The following RBM33 variants were observed in gnomAD, a reference collection of about 807,000 sequenced individuals.
RBM33 encodes RNA-binding protein 33.
Under a neutral mutation model 132.6 loss-of-function variants are expected in RBM33, and 28 were observed. That is an observed-to-expected ratio of 0.21 (90% CI 0.16 to 0.29). RBM33 has a LOEUF of 0.29. RBM33 is among the 10% of genes least tolerant of loss of function. The pLI, the probability that RBM33 is intolerant of heterozygous loss-of-function variation, is 1.00. For synonymous variants in RBM33, 634 were observed against 593.0 expected, an observed-to-expected ratio of 1.07 and a Z score of -1.01; for missense variants, 1,291 against 1,518.5, an observed-to-expected ratio of 0.85 and a Z score of 2.49.
intron 5 of RBM33, chr7:155,684,966 CA>C (rs1180438972): frequency 6.4e-7 from 1 of 1,550,404 alleles, no homozygotes; most frequent in Non-Finnish European, 8.7e-7. Context: ...TGGTGGGCAA[CA>C]AGGGCTGCAA....
Position 155,741,965 on chromosome 7 carries a change from A to G in RBM33, c.2196A>G (p.Ala732=), listed in dbSNP as rs1307458685. 11 of 1,613,922 alleles carry G rather than the reference A, an allele frequency of 6.8e-6. No individual in the cohort carries two copies. Among genetic ancestry groups the G allele is most frequent in the East Asian group, 4.5e-5 (2 of 44,892 alleles). Residue 732 remains alanine (A), a synonymous_variant, in exon 13 of 18, where the codon GCA becomes GCG. Coordinates refer to ENST00000401878, the MANE Select transcript of RBM33 (RefSeq NM_053043.3). The stretch of plus-strand genomic sequence containing the variant: ...GCCGCTGCTCTGCCACGCCCTCAGC[A>G]CAAGTGAAACCTATCGTCAGCGCGT... ...SSSRCSATPS[A]QVKPIVSASP...
chr7:155,742,077 C>T lies in RBM33; in HGVS notation c.2308C>T (p.Pro770Ser). ...KVKPASPVAQ[P>S]KEEAKTETEF... ...CAAGCCAGCTAGCCCTGTGGCTCAA[C>T]CTAAAGAAGAGGCAAAAACAGAAAC... The change falls in exon 13 of 18, where the codon CCT (proline) becomes TCT (serine). Residue 770 changes from proline (P) to serine (S), a missense_variant. Coordinates refer to ENST00000401878, the MANE Select transcript of RBM33 (RefSeq NM_053043.3). The T allele has an allele frequency of 1.2e-6, 2 of 1,613,576 alleles. No homozygotes were observed. Among genetic ancestry groups the T allele is most frequent in the Non-Finnish European group, 1.7e-6 (2 of 1,179,614 alleles).
At chr7:155,647,529 C>CCTGGGCTGA (rs1331543470) in intron 1 of RBM33, among the ~76,000 whole-genome samples, 1 of 152,098 alleles carries the variant, frequency 6.6e-6, no homozygotes, top group African/African-American at 2.4e-5. Flanking sequence ...CTCCTGGGCT[C>CCTGGGCTGA]AGTTGATTCT....
chr7:155,753,286 G>T (rs1025319028), intron 14 of RBM33, among the ~76,000 whole-genome samples: 2 of 152,216 alleles, frequency 1.3e-5, no homozygotes, highest in African/African-American at 4.8e-5. Context: ...CTCCTTTCTA[G>T]ATTTGCAAAA....
chr7:155,673,147 G>A (rs562642942), intron 3 of RBM33, among the ~76,000 whole-genome samples: 36 of 152,160 alleles, frequency 2.4e-4, no homozygotes, highest in Non-Finnish European at 4.7e-4. Flanking sequence ...CTTTGTCCAA[G>A]GCACTCTGGC....
chr7:155,654,514 A>C (rs1013558947), intron 1 of RBM33, among the ~76,000 whole-genome samples: 1 of 151,894 alleles, frequency 6.6e-6, no homozygotes, highest in South Asian at 2.1e-4. Flanking sequence ...CTTTCTGACT[A>C]CTTCTCTCTA....
chr7:155,752,535 C>T (rs549198943), intron 14 of RBM33, among the ~76,000 whole-genome samples: 1 of 151,566 alleles, frequency 6.6e-6, no homozygotes, highest in Non-Finnish European at 1.5e-5. Context: ...GATTGACAGT[C>T]ATTATTTGCA....
chr7:155,723,375 A>G (rs910501057), intron 9 of RBM33, among the ~76,000 whole-genome samples: 4 of 152,244 alleles, frequency 2.6e-5, no homozygotes, highest in Non-Finnish European at 5.9e-5. Flanking sequence ...GATCAGATCT[A>G]TAAGTAGTAG....
At position 155,745,049 on chromosome 7, in the gene RBM33, A is replaced by G; in HGVS notation, c.2426A>G (p.Glu809Gly). ...RLREEILKQK[E>G]LRRQQQAGAR... The stretch of plus-strand genomic sequence containing the variant: ...AGAGAAGAAATCCTGAAACAGAAGG[A>G]GTTACGGCGGCAGCAGCAGGCTGGT... The change falls in exon 14 of 18, where the codon GAG (glutamate) becomes GGG (glycine). Residue 809 changes from glutamate (E) to glycine (G), a missense_variant. This residue lies in a region of RBM33 where 841 missense variants were observed against 912.0 expected (regional missense o/e 0.92). Coordinates refer to ENST00000401878, the MANE Select transcript of RBM33 (RefSeq NM_053043.3). This position sits in a 1 kb window ranked among gnomAD's most constrained non-coding sequence, Gnocchi z 4.1. 6.2e-7 allele frequency: 1 copy of G among 1,611,110 alleles called. No homozygotes were observed.
chr7:155,758,018 C>T (rs1801908288), intron 14 of RBM33, among the ~76,000 whole-genome samples: 1 of 152,180 alleles, frequency 6.6e-6, no homozygotes, highest in South Asian at 2.1e-4. Flanking sequence ...TCCCACTAAG[C>T]CCCACCTCCA....
chr7:155,723,400 A>G (rs1800682249), intron 9 of RBM33, among the ~76,000 whole-genome samples: 1 of 152,220 alleles, frequency 6.6e-6, no homozygotes, highest in African/African-American at 2.4e-5. Context: ...CGAATATAGT[A>G]GGAGACCCTT....
chr7:155,709,417 T>G (rs1800212211), intron 7 of RBM33, among the ~76,000 whole-genome samples: 1 of 152,192 alleles, frequency 6.6e-6, no homozygotes, highest in Non-Finnish European at 1.5e-5. Context: ...CGTCCTCCTT[T>G]TCCTCAGTGG....
At chr7:155,764,084 G>A (rs78278900) in intron 15 of RBM33, 66 bp downstream of exon 15, 73,714 of 1,286,710 alleles carry the variant, frequency 0.057, 2,619 homozygotes, top group Non-Finnish European at 0.06. Context: ...GTGTTCAGAC[G>A]TGCTCTAATT....
intron 9 of RBM33, among the ~76,000 whole-genome samples, chr7:155,727,204 C>T (rs965942292): frequency 2.6e-5 from 4 of 152,082 alleles, no homozygotes; most frequent in Admixed American, 6.6e-5. Context: ...TATTCCAGGC[C>T]GAAAGGAGGA....
chr7:155,649,315 C>G (rs1798292058), intron 1 of RBM33, among the ~76,000 whole-genome samples: 1 of 152,198 alleles, frequency 6.6e-6, no homozygotes, highest in Non-Finnish European at 1.5e-5. Context: ...CTGCCTCCCA[C>G]ATAAGCCTGT....
At position 155,739,824 on chromosome 7, in the gene RBM33, C is replaced by G; in HGVS notation, c.1847C>G (p.Pro616Arg). 3.2e-6 allele frequency: 4 copies of G among 1,249,964 alleles called. No homozygotes were observed. Among genetic ancestry groups the G allele is most frequent in the Non-Finnish European group, 4.5e-6 (4 of 892,498 alleles). 77.4% of individuals were successfully genotyped at this position (1,249,964 alleles called of 1,614,324 possible). The change falls in exon 12 of 18, where the codon CCG becomes CGG. Residue 616 changes from proline (P) to arginine (R), a missense_variant. Around this residue, in one of 7 missense-constraint regions of RBM33, gnomAD observed 841 missense variants for 912.0 expected, o/e 0.92. Transcript: ENST00000401878. Reference sequence around the variant, plus strand: ...CCGCACCAGCCCCCGCACCAGCCCCCGCCCCAGCACCAGCCCCCACCCCAG... The same window carrying G: ...CCGCACCAGCCCCCGCACCAGCCCCGGCCCCAGCACCAGCCCCCACCCCAG... ...QPPHQPPHQP[P>R]PQHQPPPQHP...
At chr7:155,663,934 G>C (rs553100464) in intron 1 of RBM33, among the ~76,000 whole-genome samples, 1 of 152,284 alleles carries the variant, frequency 6.6e-6, no homozygotes, top group South Asian at 2.1e-4. Context: ...CCACCCATTT[G>C]TCAGTTCTTG....
At chr7:155,721,139 G>A (rs1437471373) in intron 9 of RBM33, among the ~76,000 whole-genome samples, 2 of 81,352 alleles carry the variant, frequency 2.5e-5, no homozygotes, top group South Asian at 3.2e-4. Context: ...AGCTGTGCTC[G>A]TAGTAGTGCA....
chr7:155,780,693 G>C lies in RBM33; in HGVS notation c.*5652G>C, dbSNP rs114503293. ...TCCTGGCTTCAACTGGGTGAGGGCC[G>C]TATTCCTGCCACTCTGCTCCGCCTC... On this transcript the variant is annotated 3_prime_UTR_variant, in exon 18 of 18. Transcript: ENST00000401878. The C allele has an allele frequency of 2.6e-5, 4 of 152,464 alleles. No individual in the cohort carries two copies. Among genetic ancestry groups the C allele is most frequent in the East Asian group, 1.9e-4 (1 of 5,194 alleles). 9.4% of individuals were successfully genotyped at this position (152,464 alleles called of 1,614,324 possible).
Sources: gnomAD v4.1 joint callset for allele counts (sites outside exome capture counted in the v4.1 genomes callset) on GRCh38, gnomAD v4.1.1 for gene constraint, gnomAD v4.1.1 regional missense constraint, Gnocchi (gnomAD v3.1) non-coding constraint, MANE v1.5 for transcripts, NCBI Gene and HGNC (gene_info 2026-07-23, HGNC 2026-07-21) for gene names.